The following NAALADL2 variants were observed in gnomAD, a reference collection of about 807,000 sequenced individuals.
NAALADL2 encodes the protein inactive N-acetylated-alpha-linked acidic dipeptidase-like protein 2.
A neutral mutation model predicts 87.2 loss-of-function variants in NAALADL2; 76 were observed. That is an observed-to-expected ratio of 0.87 (90% CI 0.72 to 1.05). The LOEUF is 1.05. Ranked by LOEUF, NAALADL2 falls within the 50% of genes least tolerant of loss-of-function variation. NAALADL2 has a pLI of 0.00. For missense variants in NAALADL2, 1,089 were observed against 945.8 expected (o/e 1.15, Z -1.99); for synonymous variants, 354 against 331.0 (o/e 1.07, Z -0.75).
chr3:175,180,692 C>CACA (rs1279326994), intron 2 of NAALADL2, among the ~76,000 whole-genome samples: 1 of 65,436 alleles, frequency 1.5e-5, no homozygotes, highest in Non-Finnish European at 4.2e-5. Flanking sequence ...TAATTATTAT[C>CACA]ATAATCATAA....
chr3:174,873,033 C>T (rs893953340), intron 1 of NAALADL2, among the ~76,000 whole-genome samples: 2 of 152,096 alleles, frequency 1.3e-5, no homozygotes, highest in African/African-American at 4.8e-5. Flanking sequence ...TCTTCTCCAC[C>T]CGTTTCTTCT....
chr3:174,697,195 A>G (rs1015611197), intron 2 of NAALADL2, among the ~76,000 whole-genome samples: 3 of 152,182 alleles, frequency 2.0e-5, no homozygotes, highest in African/African-American at 7.2e-5. Flanking sequence ...AAGAGTTTAT[A>G]CTATGGAACA....
chr3:174,825,266 G>A (rs1397847517), intron 3 of NAALADL2, among the ~76,000 whole-genome samples: 1 of 152,128 alleles, frequency 6.6e-6, no homozygotes, highest in Non-Finnish European at 1.5e-5. Flanking sequence ...CCTGAGGGCC[G>A]GAGGAGACAT....
intron 1 of NAALADL2, among the ~76,000 whole-genome samples, chr3:174,502,437 T>C (rs963439029): frequency 1.3e-5 from 2 of 152,328 alleles, no homozygotes; most frequent in Middle Eastern, 3.4e-3. Context: ...AAAGGCATCA[T>C]TCTCATTTAA....
chr3:175,069,250 G>T (rs751286609), intron 1 of NAALADL2, among the ~76,000 whole-genome samples: 1 of 149,268 alleles, frequency 6.7e-6, no homozygotes, highest in Non-Finnish European at 1.5e-5. Flanking sequence ...GAAAATTTTC[G>T]CAACCTACTC....
intron 1 of NAALADL2, among the ~76,000 whole-genome samples, chr3:174,516,813 T>G (rs1265670510): frequency 1.3e-5 from 2 of 151,982 alleles, no homozygotes; most frequent in East Asian, 3.8e-4. Flanking sequence ...GACATGTCTT[T>G]ATGCTAAATG....
chr3:174,545,063 G>C (rs1722608326), intron 1 of NAALADL2, among the ~76,000 whole-genome samples: 1 of 151,900 alleles, frequency 6.6e-6, no homozygotes, highest in Admixed American at 6.6e-5. Flanking sequence ...ACTTTTTGGA[G>C]AGACAAGGTC....
chr3:175,228,844 GAACATTACATGCC>G (rs1744538312), intron 2 of NAALADL2, among the ~76,000 whole-genome samples: 1 of 151,742 alleles, frequency 6.6e-6, no homozygotes, highest in South Asian at 2.1e-4. Flanking sequence ...TAGTTGAAAG[GAACATTACATGCC>G]AAATTTACTT....
At chr3:175,467,546 G>A (rs9819956) in intron 8 of NAALADL2, among the ~76,000 whole-genome samples, 82,852 of 152,108 alleles carry the variant, frequency 0.54, 24,083 homozygotes, top group Non-Finnish European at 0.64. Context: ...TTCTAGGAAT[G>A]ATCTGGAATT....
intron 2 of NAALADL2, among the ~76,000 whole-genome samples, chr3:174,595,250 C>T (rs572248114): frequency 3.9e-5 from 6 of 152,058 alleles, no homozygotes; most frequent in Non-Finnish European, 7.4e-5. Context: ...TCCCTCTGCC[C>T]GCTTCTTGTC....
intron 2 of NAALADL2, among the ~76,000 whole-genome samples, chr3:175,151,119 A>G (rs926701500): frequency 6.6e-6 from 1 of 152,236 alleles, no homozygotes; most frequent in South Asian, 2.1e-4. Context: ...CACTCCACCC[A>G]TGAGACTGAG....
At chr3:174,807,714 A>C (rs1174077583) in intron 3 of NAALADL2, among the ~76,000 whole-genome samples, 1 of 151,974 alleles carries the variant, frequency 6.6e-6, no homozygotes, top group African/African-American at 2.4e-5. Flanking sequence ...TTGGTCTTAC[A>C]TTTTGTTTTC....
At chr3:175,284,186 G>T (rs202140605) in intron 4 of NAALADL2, among the ~76,000 whole-genome samples, 4 of 142,704 alleles carry the variant, frequency 2.8e-5, no homozygotes, top group Non-Finnish European at 3.0e-5. Context: ...TTTACACTGT[G>T]TTTTTTTTTT....
chr3:174,650,855 T>A (rs1478696907), intron 2 of NAALADL2, among the ~76,000 whole-genome samples: 1 of 152,184 alleles, frequency 6.6e-6, no homozygotes, highest in Non-Finnish European at 1.5e-5. Context: ...CCTCTATAGA[T>A]TTATCCATGA....
At chr3:174,690,939 C>T (rs1003205376) in intron 2 of NAALADL2, among the ~76,000 whole-genome samples, 1 of 152,102 alleles carries the variant, frequency 6.6e-6, no homozygotes, top group African/African-American at 2.4e-5. Context: ...TGTTTCTCAT[C>T]ACTGCCCCTT....
At chr3:175,302,046 G>A (rs1448502970) in intron 4 of NAALADL2, among the ~76,000 whole-genome samples, 1 of 152,116 alleles carries the variant, frequency 6.6e-6, no homozygotes, top group East Asian at 1.9e-4. Context: ...GATGCAGAAA[G>A]CAGTAATCAA....
intron 9 of NAALADL2, among the ~76,000 whole-genome samples, chr3:175,565,808 C>T (rs1168317096): frequency 7.9e-6 from 1 of 125,932 alleles, no homozygotes; most frequent in Admixed American, 8.1e-5. Context: ...TATGTCCAAA[C>T]AAAAAACAAA....
At chr3:175,425,440 C>T (rs1212010182) in intron 5 of NAALADL2, among the ~76,000 whole-genome samples, 3 of 152,082 alleles carry the variant, frequency 2.0e-5, no homozygotes, top group Admixed American at 6.6e-5. Context: ...AAAAATGAAA[C>T]ACTTTATTCA....
intron 10 of NAALADL2, among the ~76,000 whole-genome samples, chr3:175,590,230 A>ACCAAT (rs1721216775): frequency 1.0e-3 from 1 of 1,002 alleles, no homozygotes; most frequent in Non-Finnish European, 4.0e-3. Flanking sequence ...ATATATATAT[A>ACCAAT]TATATATATA....
Sources: gnomAD v4.1 joint callset for allele counts (sites outside exome capture counted in the v4.1 genomes callset) on GRCh38, gnomAD v4.1.1 for gene constraint, MANE v1.5 for transcripts, NCBI Gene and HGNC (gene_info 2026-07-23, HGNC 2026-07-21) for gene names.